The following NELL1 variants were observed in gnomAD, a reference collection of about 807,000 sequenced individuals.
NELL1 encodes neural EGFL like 1, also known as protein kinase C-binding protein NELL1.
A neutral mutation model predicts 107.4 loss-of-function variants in NELL1; 76 were observed. The observed-to-expected ratio is 0.71, with a 90% confidence interval of 0.59 to 0.86. The LOEUF (loss-of-function observed/expected upper bound fraction) is 0.86. Among genes scored for constraint, NELL1 ranks in the 40% least tolerant of loss-of-function variants. The probability of loss-of-function intolerance (pLI) is 0.00; values close to 1 mark genes in which losing one functional copy is unlikely to be tolerated. For synonymous variants in NELL1, 353 were observed against 341.2 expected (o/e 1.03, Z -0.38); for missense variants, 1,024 against 1,005.5 (o/e 1.02, Z -0.25).
At chr11:20,964,019 A>C (rs1290184226) in intron 12 of NELL1, among the ~76,000 whole-genome samples, 1 of 152,148 alleles carries the variant, frequency 6.6e-6, no homozygotes, top group Non-Finnish European at 1.5e-5. Context: ...CTGGCCAATC[A>C]ATAGAAGATA....
At chr11:20,992,709 ATTTTTTTTTTT>A (rs56048576) in intron 12 of NELL1, among the ~76,000 whole-genome samples, 2 of 114,476 alleles carry the variant, frequency 1.7e-5, no homozygotes, top group Non-Finnish European at 3.5e-5. Flanking sequence ...CAAAAGTGGC[ATTTTTTTTTTT>A]TTTTTTTTTT....
At chr11:20,731,770 T>G (rs1355103077) in intron 2 of NELL1, among the ~76,000 whole-genome samples, 1 of 152,140 alleles carries the variant, frequency 6.6e-6, no homozygotes, top group Non-Finnish European at 1.5e-5. Flanking sequence ...ATAAAAACCA[T>G]GTATAAAAAA....
intron 2 of NELL1, among the ~76,000 whole-genome samples, chr11:20,729,539 G>A (rs569659444): frequency 9.9e-5 from 15 of 152,138 alleles, no homozygotes; most frequent in Non-Finnish European, 2.2e-4. Flanking sequence ...TTTATGGAAA[G>A]CTTTTTCTGT....
intron 14 of NELL1, among the ~76,000 whole-genome samples, chr11:21,239,050 G>A (rs1452848949): frequency 6.6e-6 from 1 of 151,976 alleles, no homozygotes; most frequent in African/African-American, 2.4e-5. Flanking sequence ...ATGATACTTA[G>A]GTTAGTGTTT....
intron 14 of NELL1, among the ~76,000 whole-genome samples, chr11:21,307,965 G>C (rs1055737445): frequency 2.0e-5 from 3 of 151,916 alleles, no homozygotes; most frequent in African/African-American, 7.2e-5. Context: ...GTCATGAATA[G>C]GAGCCAAACT....
rs768912184 is a variant in NELL1 at position 20,847,742 on chromosome 11, C to G, written c.495C>G (p.Val165=). The stretch of plus-strand genomic sequence containing the variant: ...GCGCCTCTCATCTCCTGCTCCATGT[C>G]GACTGTAACAGGTATTTCTTTGTCT... ...SVSASHLLLH[V]DCNRIYERVI... is the part of the protein sequence containing the mutation. Residue 165 remains valine, a synonymous_variant, in exon 4 of 20, where the codon GTC becomes GTG. Transcript: ENST00000357134. 6.2e-7 allele frequency: 1 copy of G among 1,610,890 alleles called. No homozygotes were observed. Among genetic ancestry groups the G allele is most frequent in the Non-Finnish European group, 8.5e-7 (1 of 1,178,496 alleles).
At chr11:20,740,427 C>A (rs1057033935) in intron 2 of NELL1, among the ~76,000 whole-genome samples, 17 of 152,202 alleles carry the variant, frequency 1.1e-4, no homozygotes, top group African/African-American at 4.1e-4. Context: ...CAGGCTCTTG[C>A]TCCTCTCCTT....
At chr11:21,249,378 A>C (rs968044148) in intron 14 of NELL1, among the ~76,000 whole-genome samples, 1 of 152,076 alleles carries the variant, frequency 6.6e-6, no homozygotes, top group African/African-American at 2.4e-5. Context: ...TTCAACAGAT[A>C]TATTCTTGAA....
At chr11:20,787,789 C>T (rs1175289398) in intron 3 of NELL1, among the ~76,000 whole-genome samples, 3 of 152,122 alleles carry the variant, frequency 2.0e-5, no homozygotes, top group Non-Finnish European at 4.4e-5. Flanking sequence ...GTGCATTCAT[C>T]ACCACAATCA....
intron 15 of NELL1, among the ~76,000 whole-genome samples, chr11:21,458,831 A>T (rs1175458328): frequency 6.6e-6 from 1 of 152,168 alleles, no homozygotes; most frequent in Non-Finnish European, 1.5e-5. Context: ...ATTTGTAGAT[A>T]TGGGGAAAGG....
At position 21,451,937 on chromosome 11, in the gene NELL1, T is replaced by C. The variant is rs991359564; in HGVS notation, c.1645+80989T>C. Among the ~76,000 whole-genome samples the C allele has an allele frequency of 5.3e-5, 8 of 152,260 alleles. No individual in the cohort carries two copies. In the East Asian group the frequency reaches 1.4e-3, roughly 26 times the overall value. Reference sequence around the variant, plus strand: ...ATCTAGTACATCATTAAAATTGGAATGGCTTTGTGGTGTGTATGTGTGTTT... The same window carrying C: ...ATCTAGTACATCATTAAAATTGGAACGGCTTTGTGGTGTGTATGTGTGTTT... On this transcript the variant is annotated intron_variant, in intron 15 of 19. Transcript: ENST00000357134.
At chr11:20,697,441 T>A (rs1233538289) in intron 2 of NELL1, among the ~76,000 whole-genome samples, 2 of 151,140 alleles carry the variant, frequency 1.3e-5, no homozygotes, top group African/African-American at 4.9e-5. Flanking sequence ...CTTTCAGGAG[T>A]TCTGCTTCAA....
chr11:21,158,318 T>G (rs1565088715), intron 13 of NELL1, among the ~76,000 whole-genome samples: 1 of 152,168 alleles, frequency 6.6e-6, no homozygotes. Flanking sequence ...CTTCGCTTTG[T>G]GATCATGTGA....
intron 13 of NELL1, among the ~76,000 whole-genome samples, chr11:21,223,266 A>G (rs1190355525): frequency 6.6e-6 from 1 of 152,052 alleles, no homozygotes; most frequent in Non-Finnish European, 1.5e-5. Flanking sequence ...ATGTGTATTT[A>G]CAATTGTTAT....
chr11:21,009,002 A>G (rs973202092), intron 12 of NELL1, among the ~76,000 whole-genome samples: 9 of 152,108 alleles, frequency 5.9e-5, no homozygotes, highest in African/African-American at 2.2e-4. Flanking sequence ...GGAGAGGGCA[A>G]CTGTGGCAAT....
chr11:20,793,610 GTTTTATGT>G lies in NELL1; in HGVS notation c.335+9783_335+9790del, dbSNP rs147004838. Among the ~76,000 whole-genome samples the G allele has an allele frequency of 7.6e-3, 1,162 of 152,068 alleles. 13 individuals carry two copies. The highest frequency in any genetic ancestry group is 0.027 in the African/African-American group (1,102 of 41,490). On this transcript the variant is annotated intron_variant, in intron 3 of 19. Transcript: ENST00000357134. ...CTGTTTACTGGTAAAACCACTGATG[GTTTTATGT>G]TTCCTTGTGAATATTGCTTTGAATA...
chr11:21,332,394 G>A (rs1850291796), intron 14 of NELL1, among the ~76,000 whole-genome samples: 1 of 151,902 alleles, frequency 6.6e-6, no homozygotes, highest in African/African-American at 2.4e-5. Flanking sequence ...CCTGTTTAGA[G>A]TTGCTTATCC....
chr11:21,114,565 T>C lies in NELL1; in HGVS notation c.1426+851T>C, dbSNP rs78995767. Among the ~76,000 whole-genome samples, 204 of 152,124 alleles carry C rather than the reference T, an allele frequency of 1.3e-3. 1 individual carries two copies. Among genetic ancestry groups the C allele is most frequent in the African/African-American group, 4.7e-3 (195 of 41,534 alleles). On this transcript the variant is annotated intron_variant, in intron 13 of 19. Coordinates refer to ENST00000357134, the MANE Select transcript of NELL1 (RefSeq NM_006157.5). ...CGCTATTTTTAATGTACTTTTTTTT[T>C]CTGAATGACCTTTTCAGAAGTGCAA...
chr11:20,679,950 T>A (rs1329192371), intron 2 of NELL1, among the ~76,000 whole-genome samples: 1 of 151,938 alleles, frequency 6.6e-6, no homozygotes, highest in Non-Finnish European at 1.5e-5. Flanking sequence ...GGGCTGGAAC[T>A]CTACTTTCTA....
Sources: allele counts gnomAD v4.1 joint callset (sites outside exome capture counted in the v4.1 genomes callset), GRCh38; gene constraint gnomAD v4.1.1; transcripts MANE v1.5; gene names NCBI Gene and HGNC (gene_info 2026-07-23, HGNC 2026-07-21).